The following MRTFB variants were observed in gnomAD, a reference collection of about 807,000 sequenced individuals.
The protein encoded by MRTFB is myocardin related transcription factor B, also known as myocardin-related transcription factor B.
Under a neutral mutation model 104.2 loss-of-function variants are expected in MRTFB, and 29 were observed. The ratio of observed to expected loss-of-function variants is 0.28; its 90% CI spans 0.21 to 0.38. The LOEUF (loss-of-function observed/expected upper bound fraction) is 0.38. Among genes scored for constraint, MRTFB ranks in the 10% least tolerant of loss-of-function variants. MRTFB has a pLI of 1.00. For missense variants in MRTFB, 1,270 were observed against 1,341.6 expected, an observed-to-expected ratio of 0.95 and a Z score of 0.83; for synonymous variants, 535 against 519.5, an observed-to-expected ratio of 1.03 and a Z score of -0.41.
intron 15 of MRTFB, among the ~76,000 whole-genome samples, chr16:14,255,274 GA>G (rs2151450208): frequency 6.6e-6 from 1 of 152,334 alleles, no homozygotes; most frequent in East Asian, 1.9e-4. Flanking sequence ...CAAATAGGAT[GA>G]AAGACAAATT....
At chr16:14,087,447 A>G (rs1331943456) in intron 2 of MRTFB, among the ~76,000 whole-genome samples, 3 of 152,176 alleles carry the variant, frequency 2.0e-5, no homozygotes, top group Admixed American at 1.3e-4. Context: ...GTATTGCTGC[A>G]GAGTCTAGGC....
chr16:14,058,972 G>A, the MRTFB span, among the ~76,000 whole-genome samples: 13 of 151,958 alleles, frequency 8.6e-5, no homozygotes, highest in South Asian at 1.5e-3. Context: ...CGCCTGCCTC[G>A]GCCTCCCAAA....
chr16:14,141,855 T>G (rs74316934), intron 3 of MRTFB: 1 of 152,044 alleles, frequency 6.6e-6, no homozygotes, highest in South Asian at 2.1e-4. Flanking sequence ...TTTTTTTTTT[T>G]TGAGACAGAG....
chr16:14,182,716 G>A (rs1376879389), intron 3 of MRTFB, among the ~76,000 whole-genome samples: 1 of 152,054 alleles, frequency 6.6e-6, no homozygotes, highest in Non-Finnish European at 1.5e-5. Flanking sequence ...CATGAGTCTG[G>A]GACATCTTGT....
At chr16:14,017,358 C>T in the MRTFB span, among the ~76,000 whole-genome samples, 3 of 151,612 alleles carry the variant, frequency 2.0e-5, no homozygotes, top group Non-Finnish European at 2.9e-5. Context: ...GCCCGGCCTG[C>T]TGCAGTCTTC....
At chr16:14,021,560 T>G in the MRTFB span, among the ~76,000 whole-genome samples, 1 of 152,334 alleles carries the variant, frequency 6.6e-6, no homozygotes, top group African/African-American at 2.4e-5. Flanking sequence ...TGTAGTGTTT[T>G]ATCCCTCATC....
At chr16:14,052,514 G>T in the MRTFB span, among the ~76,000 whole-genome samples, 6 of 152,076 alleles carry the variant, frequency 3.9e-5, no homozygotes, top group South Asian at 8.3e-4. Context: ...CGAGGCAAGC[G>T]GATCACTTGA....
intron 3 of MRTFB, chr16:14,201,055 C>G: frequency 6.7e-7 from 1 of 1,491,612 alleles, no homozygotes. Context: ...AGAGCTTAGT[C>G]CATGTTGCAA....
chr16:14,023,673 G>GTATATA, the MRTFB span, among the ~76,000 whole-genome samples: 1 of 140,754 alleles, frequency 7.1e-6, no homozygotes, highest in African/African-American at 2.7e-5. Flanking sequence ...GTGTGTGTGT[G>GTATATA]TGTCTATATA....
intron 15 of MRTFB, among the ~76,000 whole-genome samples, chr16:14,257,419 CT>C (rs1209547501): frequency 3.3e-5 from 5 of 152,100 alleles, no homozygotes; most frequent in Non-Finnish European, 5.9e-5. Context: ...AAAAAATTAA[CT>C]GTTCCTGAGG....
At chr16:14,125,717 T>G (rs1435394967) in intron 2 of MRTFB, among the ~76,000 whole-genome samples, 2 of 152,260 alleles carry the variant, frequency 1.3e-5, no homozygotes, top group African/African-American at 4.8e-5. Context: ...AAATGGGTTT[T>G]TGTACTTTAC....
the MRTFB span, among the ~76,000 whole-genome samples, chr16:14,042,505 ATCT>A: frequency 1.3e-5 from 2 of 152,184 alleles, no homozygotes; most frequent in Non-Finnish European, 2.9e-5. Flanking sequence ...AGGATTGGAC[ATCT>A]GTAGGCAATC....
chr16:14,028,181 A>T, the MRTFB span, among the ~76,000 whole-genome samples: 1 of 124,180 alleles, frequency 8.1e-6, no homozygotes, highest in African/African-American at 2.6e-5. Flanking sequence ...CATCTCAAAA[A>T]ACAAAAAAAC....
intron 3 of MRTFB, chr16:14,170,011 A>G (rs76761318): frequency 6.6e-6 from 1 of 152,352 alleles, no homozygotes; most frequent in African/African-American, 2.4e-5. Context: ...AGGAATTTCA[A>G]TAAGCTATAA....
At chr16:14,203,713 A>G (rs1367697150) in intron 3 of MRTFB, among the ~76,000 whole-genome samples, 1 of 151,314 alleles carries the variant, frequency 6.6e-6, no homozygotes, top group Non-Finnish European at 1.5e-5. Context: ...CTGAGGCACA[A>G]GAATCACTTG....
intron 3 of MRTFB, among the ~76,000 whole-genome samples, chr16:14,149,703 C>A (rs1045960683): frequency 1.3e-5 from 2 of 152,110 alleles, no homozygotes; most frequent in Non-Finnish European, 2.9e-5. Flanking sequence ...GATTTTTAAG[C>A]CTCTAGTACA....
chr16:14,040,520 T>A, the MRTFB span, among the ~76,000 whole-genome samples: 1 of 151,292 alleles, frequency 6.6e-6, no homozygotes. Context: ...TGAAGTGCAG[T>A]GGCACAATCT....
At chr16:14,199,109 G>A (rs977125475) in intron 3 of MRTFB, among the ~76,000 whole-genome samples, 4 of 152,086 alleles carry the variant, frequency 2.6e-5, no homozygotes, top group Non-Finnish European at 5.9e-5. Context: ...CCTCCAACCT[G>A]ACTTACATCC....
chr16:14,043,106 C>G, the MRTFB span, among the ~76,000 whole-genome samples: 1 of 152,128 alleles, frequency 6.6e-6, no homozygotes, highest in African/African-American at 2.4e-5. Flanking sequence ...AACTTGTGGC[C>G]TCATTTTATT....
Sources: allele counts gnomAD v4.1 joint callset (sites outside exome capture counted in the v4.1 genomes callset), GRCh38; gene constraint gnomAD v4.1.1; transcripts MANE v1.5; gene names NCBI Gene and HGNC (gene_info 2026-07-23, HGNC 2026-07-21).